The following MLIP variants were observed in gnomAD, a reference collection of about 807,000 sequenced individuals.
MLIP encodes muscular LMNA-interacting protein.
A neutral mutation model predicts 84.8 loss-of-function variants in MLIP; 79 were observed. The observed-to-expected ratio is 0.93, with a 90% CI of 0.78 to 1.12. The LOEUF is 1.12. Among genes scored for constraint, MLIP ranks in the 50% most tolerant of loss-of-function variants. The pLI is 0.00. For missense variants in MLIP, 1,257 were observed against 1,160.6 expected (o/e 1.08, Z -1.21); for synonymous variants, 504 against 463.0 (o/e 1.09, Z -1.14).
chr6:54,136,675 T>C, intron 3 of MLIP, 40 bp from the exon 4 acceptor site: 2 of 1,394,920 alleles, frequency 1.4e-6, no homozygotes, highest in Non-Finnish European at 1.9e-6. Context: ...GTTTCACAAA[T>C]AATGTCCTAT....
At chr6:54,086,147 T>G (rs1303115645) in intron 1 of MLIP, among the ~76,000 whole-genome samples, 2 of 152,196 alleles carry the variant, frequency 1.3e-5, no homozygotes, top group East Asian at 3.8e-4. Flanking sequence ...GTTCATTGGT[T>G]CTTTATCTAC....
chr6:54,105,098 G>C (rs565561783), intron 1 of MLIP, among the ~76,000 whole-genome samples: 4 of 152,226 alleles, frequency 2.6e-5, no homozygotes, highest in Admixed American at 2.0e-4. Flanking sequence ...ACTCACCCAA[G>C]ACCTCACAGC....
chr6:54,234,801 C>T (rs12661972), intron 12 of MLIP, among the ~76,000 whole-genome samples: 9,296 of 152,200 alleles, frequency 0.061, 470 homozygotes, highest in East Asian at 0.21. Flanking sequence ...TCTAACTTTC[C>T]GACTGCTCCT....
intron 1 of MLIP, among the ~76,000 whole-genome samples, chr6:54,053,221 T>A (rs1342501496): frequency 6.6e-6 from 1 of 152,176 alleles, no homozygotes; most frequent in Non-Finnish European, 1.5e-5. Context: ...TTGTACTGGG[T>A]TGAACCATGT....
chr6:54,169,671 G>GT (rs372252273), intron 9 of MLIP, 99 bp downstream of exon 9: 20 of 717,984 alleles, frequency 2.8e-5, no homozygotes, highest in Middle Eastern at 3.5e-4. Context: ...AGAATTAATT[G>GT]TTTTTTTATA....
intron 11 of MLIP, among the ~76,000 whole-genome samples, chr6:54,228,314 A>C (rs918819714): frequency 2.6e-5 from 4 of 152,198 alleles, no homozygotes; most frequent in Non-Finnish European, 5.9e-5. Flanking sequence ...AATGTATACA[A>C]ACATAGAAGG....
chr6:54,162,733 T>C (rs1774778160), intron 8 of MLIP, among the ~76,000 whole-genome samples: 1 of 151,992 alleles, frequency 6.6e-6, no homozygotes, highest in Non-Finnish European at 1.5e-5. Flanking sequence ...CAGAGGGTTA[T>C]GTCAATTTTA....
Position 54,137,053 on chromosome 6 carries a change from G to A in MLIP, c.984G>A (p.Lys328=). ...PKPGLTSEVL[K]KTTLTSHVLS... ...CTGGACTGACCTCTGAAGTTCTCAA[G>A]AAGACAACTTTAACCTCGCATGTCC... The change falls in exon 4 of 14, where the codon AAG becomes AAA. Residue 328 remains lysine (K), a synonymous_variant. Coordinates refer to ENST00000502396, the MANE Select transcript of MLIP (RefSeq NM_001281747.2). 3 of 1,536,040 alleles carry A rather than the reference G, an allele frequency of 2.0e-6. No individual in the cohort carries two copies. Among genetic ancestry groups the A allele is most frequent in the Non-Finnish European group, 2.6e-6 (3 of 1,146,876 alleles).
intron 12 of MLIP, among the ~76,000 whole-genome samples, chr6:54,241,695 T>C (rs913015982): frequency 6.6e-6 from 1 of 152,216 alleles, no homozygotes; most frequent in African/African-American, 2.4e-5. Context: ...AGCATTTACT[T>C]ATAATACATT....
chr6:54,196,610 T>C (rs1397109060), intron 10 of MLIP, among the ~76,000 whole-genome samples: 1 of 152,094 alleles, frequency 6.6e-6, no homozygotes, highest in Non-Finnish European at 1.5e-5. Context: ...GTTGATTCCA[T>C]GTCTTTGCAT....
intron 12 of MLIP, among the ~76,000 whole-genome samples, chr6:54,234,582 G>T (rs1240835682): frequency 6.6e-6 from 1 of 152,066 alleles, no homozygotes; most frequent in Non-Finnish European, 1.5e-5. Flanking sequence ...TCTCAAAGTG[G>T]TCAATAGCCA....
intron 9 of MLIP, among the ~76,000 whole-genome samples, chr6:54,172,053 A>AAGTATAGTATAGAAGTATAGT (rs1775824202): frequency 1.3e-5 from 2 of 151,578 alleles, no homozygotes; most frequent in African/African-American, 2.4e-5. Flanking sequence ...GAGAAGGTTG[A>AAGTATAGTATAGAAGTATAGT]ATAAAGGGAA....
chr6:54,170,630 G>T (rs1303585748), intron 9 of MLIP, among the ~76,000 whole-genome samples: 1 of 151,438 alleles, frequency 6.6e-6, no homozygotes, highest in African/African-American at 2.4e-5. Context: ...GTCTGATTCT[G>T]GGAAAATTAC....
intron 11 of MLIP, among the ~76,000 whole-genome samples, chr6:54,210,730 G>GAAAA (rs70980900): frequency 0.53 from 69,315 of 130,850 alleles, 21,156 homozygotes; most frequent in Non-Finnish European, 0.67. Context: ...CCAACGGAGG[G>GAAAA]AAAAAAAAAA....
At chr6:54,236,942 A>G (rs1781403714) in intron 12 of MLIP, among the ~76,000 whole-genome samples, 1 of 152,158 alleles carries the variant, frequency 6.6e-6, no homozygotes, top group Non-Finnish European at 1.5e-5. Context: ...AGAGACTTGC[A>G]ATAACCTAAT....
At position 54,219,856 on chromosome 6, in the gene MLIP, G is replaced by C. The variant is rs182763830; in HGVS notation, c.2719-10858G>C. On this transcript the variant is annotated intron_variant, in intron 11 of 13. Coordinates refer to ENST00000502396, the MANE Select transcript of MLIP (RefSeq NM_001281747.2). ...GAGCCCTCAGTTGGCCATTCCTTAA[G>C]CCTGTTGTATCTTATTGCACTATAT... Among the ~76,000 whole-genome samples the C allele has an allele frequency of 3.8e-3, 576 of 152,206 alleles. 2 individuals carry two copies. Among genetic ancestry groups the C allele is most frequent in the Non-Finnish European group, 3.7e-3 (255 of 68,018 alleles).
chr6:54,128,403 G>A (rs1228635788), intron 3 of MLIP, among the ~76,000 whole-genome samples: 1 of 152,152 alleles, frequency 6.6e-6, no homozygotes, highest in Non-Finnish European at 1.5e-5. Context: ...TATGAAAAAA[G>A]AGAGCCAATG....
chr6:54,259,207 G>A (rs951268082), intron 13 of MLIP, among the ~76,000 whole-genome samples: 2 of 151,676 alleles, frequency 1.3e-5, no homozygotes, highest in Admixed American at 6.6e-5. Context: ...ATATATTAAA[G>A]TTAATAACTT....
At chr6:54,050,093 T>G (rs1209680745) in intron 1 of MLIP, among the ~76,000 whole-genome samples, 1 of 152,134 alleles carries the variant, frequency 6.6e-6, no homozygotes, top group Non-Finnish European at 1.5e-5. Context: ...ATTCATTGAT[T>G]TATTCATTTT....
Sources: gnomAD v4.1 joint callset for allele counts (sites outside exome capture counted in the v4.1 genomes callset) on GRCh38, gnomAD v4.1.1 for gene constraint, MANE v1.5 for transcripts, NCBI Gene and HGNC (gene_info 2026-07-23, HGNC 2026-07-21) for gene names.